Variants in KIAA1328 observed in about 807,000 individuals in gnomAD.
KIAA1328 encodes KIAA1328, also known as protein hinderin.
A neutral mutation model predicts 68.1 loss-of-function variants in KIAA1328; 52 were observed. The observed-to-expected ratio is 0.76, with a 90% CI of 0.61 to 0.96. KIAA1328 has a LOEUF of 0.96. Among genes scored for constraint, KIAA1328 ranks in the 40% least tolerant of loss-of-function variants. KIAA1328 has a pLI of 0.00. For synonymous variants in KIAA1328, 232 were observed against 239.4 expected, an observed-to-expected ratio of 0.97 and a Z score of 0.28; for missense variants, 641 against 677.6, an observed-to-expected ratio of 0.95 and a Z score of 0.60.
chr18:36,876,423 A>G (rs2048129099), intron 4 of KIAA1328, among the ~76,000 whole-genome samples: 2 of 152,102 alleles, frequency 1.3e-5, no homozygotes, highest in South Asian at 4.1e-4. Flanking sequence ...GTGTCTAGGA[A>G]TTTATCCATT....
intron 3 of KIAA1328, among the ~76,000 whole-genome samples, chr18:36,840,519 G>A (rs1025896701): frequency 2.0e-5 from 3 of 149,342 alleles, no homozygotes; most frequent in African/African-American, 7.4e-5. Context: ...GCATGGTCTC[G>A]GCTCACTGCA....
rs944507661 is a variant in KIAA1328, at chr18:37,175,328, C to T, written c.1523+2247C>T. The stretch of plus-strand genomic sequence containing the variant: ...CCCCAGTAAGAGTTTTATAAAACAT[C>T]CTCAGCACACATTTTTGGAATGGAT... On this transcript the variant is annotated intron_variant, in intron 9 of 9. Transcript: ENST00000280020. Among the ~76,000 whole-genome samples the T allele has an allele frequency of 2.0e-5, 3 of 152,148 alleles. No individual in the cohort carries two copies. The South Asian group carries it at 6.2e-4, about 32-fold the overall frequency.
intron 7 of KIAA1328, among the ~76,000 whole-genome samples, chr18:37,086,176 T>C (rs1415855131): frequency 6.6e-6 from 1 of 152,176 alleles, no homozygotes; most frequent in Non-Finnish European, 1.5e-5. Flanking sequence ...ATGGTAACTA[T>C]GGCTATAATA....
At chr18:37,075,994 C>T (rs1219113478) in intron 7 of KIAA1328, among the ~76,000 whole-genome samples, 2 of 152,112 alleles carry the variant, frequency 1.3e-5, no homozygotes, top group African/African-American at 4.8e-5. Flanking sequence ...TAATAGACAT[C>T]TACAGAACTC....
chr18:37,042,346 G>A (rs528453103), intron 6 of KIAA1328, among the ~76,000 whole-genome samples: 1 of 152,148 alleles, frequency 6.6e-6, no homozygotes, highest in Non-Finnish European at 1.5e-5. Context: ...CAAGTAACTG[G>A]TGTAATTTCT....
chr18:36,958,561 G>A (rs1055227339), intron 5 of KIAA1328, among the ~76,000 whole-genome samples: 12 of 152,048 alleles, frequency 7.9e-5, no homozygotes, highest in Admixed American at 3.3e-4. Flanking sequence ...TTATCTCAGT[G>A]TGTTTTTTAT....
Position 36,865,249 on chromosome 18 carries a change from C to T in KIAA1328, c.333-20308C>T, listed in dbSNP as rs914285359. Among the ~76,000 whole-genome samples, 7 of 151,962 alleles carry T rather than the reference C, an allele frequency of 4.6e-5. No homozygotes were observed. The East Asian group carries it at 7.7e-4, about 17-fold the overall frequency. On this transcript the variant is annotated intron_variant, in intron 4 of 9. Transcript: ENST00000280020. ...GTTCTGTTTTCATTTTTATTTCATTCTTCTTTGATTTTATTTTCATTCAAT... is the reference window on the plus strand; with the variant it reads ...GTTCTGTTTTCATTTTTATTTCATTTTTCTTTGATTTTATTTTCATTCAAT...
In KIAA1328 at chr18:36,834,308, TCTC is replaced by T; in HGVS notation, c.59-9_59-7del. ...AATATTATTGTATTTTCCTTCATGT[TCTC>T]CTGCGTAGTTTCTGATGAAGAACAA... On this transcript the variant is annotated splice_polypyrimidine_tract_variant and intron_variant, in intron 1 of 9. Coordinates refer to ENST00000280020, the MANE Select transcript of KIAA1328 (RefSeq NM_020776.3). 1 of 1,567,946 alleles carries T rather than the reference TCTC, an allele frequency of 6.4e-7. No homozygotes were observed. Among genetic ancestry groups the T allele is most frequent in the Non-Finnish European group, 8.6e-7 (1 of 1,157,702 alleles).
chr18:36,993,899 C>T (rs1029278058), intron 6 of KIAA1328, among the ~76,000 whole-genome samples: 3 of 150,626 alleles, frequency 2.0e-5, no homozygotes, highest in Non-Finnish European at 4.4e-5. Flanking sequence ...ATGTTATTTC[C>T]TTCCGTAACT....
intron 6 of KIAA1328, among the ~76,000 whole-genome samples, chr18:37,059,472 A>C (rs1398460773): frequency 6.6e-6 from 1 of 152,236 alleles, no homozygotes; most frequent in East Asian, 1.9e-4. Context: ...AGAAATGCAA[A>C]TCAAAACCAC....
At chr18:36,853,796 C>T (rs2047294703) in intron 4 of KIAA1328, among the ~76,000 whole-genome samples, 1 of 152,114 alleles carries the variant, frequency 6.6e-6, no homozygotes, top group Non-Finnish European at 1.5e-5. Context: ...GTAGCTGTTA[C>T]AGGTGCCCGC....
chr18:37,075,851 C>T (rs1361516094), intron 7 of KIAA1328, among the ~76,000 whole-genome samples: 1 of 152,200 alleles, frequency 6.6e-6, no homozygotes, highest in East Asian at 1.9e-4. Flanking sequence ...GAGTGACCTA[C>T]AAAGAGACTT....
chr18:36,895,208 T>A (rs991200119), intron 5 of KIAA1328, among the ~76,000 whole-genome samples: 2 of 152,158 alleles, frequency 1.3e-5, no homozygotes, highest in South Asian at 4.1e-4. Flanking sequence ...CTTGAAACAG[T>A]CCTGGATTTT....
intron 7 of KIAA1328, among the ~76,000 whole-genome samples, chr18:37,140,463 A>T (rs1413846440): frequency 6.6e-6 from 1 of 152,140 alleles, no homozygotes; most frequent in Non-Finnish European, 1.5e-5. Flanking sequence ...GACTATCGCG[A>T]TATAAGATTT....
At chr18:37,062,963 G>T (rs1306179130) in intron 6 of KIAA1328, among the ~76,000 whole-genome samples, 1 of 151,870 alleles carries the variant, frequency 6.6e-6, no homozygotes, top group African/African-American at 2.4e-5. Context: ...TCATGAGTAT[G>T]GGCACAACTT....
chr18:37,229,450 G>A, downstream of KIAA1328: 1 of 677,144 alleles, frequency 1.5e-6, no homozygotes, highest in Non-Finnish European at 2.1e-6. Context: ...CACCAATAAT[G>A]AAAATGAAGT....
intron 3 of KIAA1328, among the ~76,000 whole-genome samples, chr18:36,843,471 T>G (rs915663137): frequency 6.6e-6 from 1 of 152,172 alleles, no homozygotes; most frequent in African/African-American, 2.4e-5. Context: ...AGTTTATGTC[T>G]TTAAGGACCC....
rs180678183 is a variant in KIAA1328 at position 37,206,044 on chromosome 18, T to C, written c.1524-15973T>C. 1.1e-4 allele frequency among the ~76,000 whole-genome samples: 16 copies of C among 152,358 alleles called. No homozygotes were observed. In the East Asian group the frequency reaches 2.3e-3, roughly 22 times the overall value. On this transcript the variant is annotated intron_variant, in intron 9 of 9. Transcript: ENST00000280020. ...GGATCTGTATTTCTCAGTAACTTCA[T>C]TCTCATTCTGTAGTTGTTCTGTTTG... is the stretch of plus-strand genomic sequence containing the variant.
chr18:37,185,284 G>A (rs527366427), intron 9 of KIAA1328, among the ~76,000 whole-genome samples: 3 of 152,184 alleles, frequency 2.0e-5, no homozygotes, highest in East Asian at 1.9e-4. Context: ...CAAGGGACCC[G>A]GTACAGTTTA....
Sources: gnomAD v4.1 joint callset for allele counts (sites outside exome capture counted in the v4.1 genomes callset) on GRCh38, gnomAD v4.1.1 for gene constraint, MANE v1.5 for transcripts, NCBI Gene and HGNC (gene_info 2026-07-23, HGNC 2026-07-21) for gene names.